RAB6B: variants seen among roughly 807,000 people sequenced by gnomAD.
The protein encoded by RAB6B is ras-related protein Rab-6B.
A neutral mutation model predicts 31.2 loss-of-function variants in RAB6B; 7 were observed. That is an observed-to-expected ratio of 0.22 (90% CI 0.13 to 0.42). The LOEUF (loss-of-function observed/expected upper bound fraction) is 0.42, where lower values mean the gene tolerates loss of function less well. Among genes scored for constraint, RAB6B ranks in the 10% least tolerant of loss-of-function variants. RAB6B has a pLI of 1.00. For missense variants in RAB6B, 149 were observed against 280.6 expected, an observed-to-expected ratio of 0.53 and a Z score of 3.35; for synonymous variants, 105 against 104.9, an observed-to-expected ratio of 1.00 and a Z score of -0.01.
At chr3:133,852,834 A>G (rs1042481113) in intron 2 of RAB6B, among the ~76,000 whole-genome samples, 2 of 152,078 alleles carry the variant, frequency 1.3e-5, no homozygotes, top group African/African-American at 4.8e-5. Flanking sequence ...ACCTTGTTCA[A>G]GTGTTAGCAA....
chr3:133,878,471 A>C (rs1936425761), intron 1 of RAB6B, among the ~76,000 whole-genome samples: 1 of 148,804 alleles, frequency 6.7e-6, no homozygotes, highest in Non-Finnish European at 1.5e-5. Context: ...TGAGATAAAG[A>C]CTTTTTCAAA....
At chr3:133,836,817 A>T (rs1935743626) in intron 6 of RAB6B, among the ~76,000 whole-genome samples, 1 of 152,144 alleles carries the variant, frequency 6.6e-6, no homozygotes, top group Non-Finnish European at 1.5e-5. Flanking sequence ...AGGACACTCT[A>T]GTTAGGGTGG....
At chr3:133,889,391 TATATATATATATATATATATATA>T (rs1936599618) in intron 1 of RAB6B, among the ~76,000 whole-genome samples, 388 of 34,036 alleles carry the variant, frequency 0.011, 30 homozygotes, top group Middle Eastern at 0.091. Context: ...TATTTTGTTA[TATATATATATATATATATATATA>T]TATATATATA....
chr3:133,864,336 A>T (rs1197401753), intron 2 of RAB6B, among the ~76,000 whole-genome samples: 1 of 152,208 alleles, frequency 6.6e-6, no homozygotes, highest in East Asian at 1.9e-4. Context: ...GTGAGGAACA[A>T]GAGAACACAG....
intron 1 of RAB6B, 106 bp from the exon 2 acceptor site, chr3:133,864,748 A>G: frequency 8.9e-7 from 1 of 1,126,686 alleles, no homozygotes; most frequent in South Asian, 1.3e-5. Flanking sequence ...AGCACAGGGG[A>G]AAGGCCGAGT....
intron 1 of RAB6B, among the ~76,000 whole-genome samples, chr3:133,888,016 G>A (rs866478507): frequency 4.6e-5 from 7 of 152,292 alleles, no homozygotes; most frequent in South Asian, 4.1e-4. Context: ...TCAGGGCCCC[G>A]CAGGTTCCTC....
chr3:133,883,288 C>T (rs995124739), intron 1 of RAB6B, among the ~76,000 whole-genome samples: 4 of 152,338 alleles, frequency 2.6e-5, no homozygotes, highest in South Asian at 2.1e-4. Flanking sequence ...GGCAAGGTAA[C>T]AGCCTTTCTC....
At chr3:133,879,598 AG>A (rs1396777101) in intron 1 of RAB6B, among the ~76,000 whole-genome samples, 1 of 152,222 alleles carries the variant, frequency 6.6e-6, no homozygotes, top group African/African-American at 2.4e-5. Flanking sequence ...CTGGTATGGT[AG>A]GAACTCTTTA....
rs7626433 is a variant in RAB6B at position 133,825,073 on chromosome 3, G to A, written c.*3715C>T. 0.21 allele frequency: 32,382 copies of A among 152,014 alleles called. 3,905 individuals are homozygous for A. The highest frequency in any genetic ancestry group is 0.4 in the East Asian group (2,077 of 5,168). 9.4% of individuals were successfully genotyped at this position (152,014 alleles called of 1,614,324 possible). ...AGAGGCAGTTCGGAAACGAGTGTGC[G>A]CACAATCTGCTCGGTTGATGCACAC... On this transcript the variant is annotated 3_prime_UTR_variant, in exon 8 of 8. Coordinates refer to ENST00000285208, the MANE Select transcript of RAB6B (RefSeq NM_016577.4).
At chr3:133,830,302 C>T (rs1935637613) in intron 7 of RAB6B, among the ~76,000 whole-genome samples, 1 of 152,358 alleles carries the variant, frequency 6.6e-6, no homozygotes, top group Admixed American at 6.5e-5. Flanking sequence ...AAAGCCAGCT[C>T]TGGTGACAAT....
At chr3:133,839,696 G>C (rs1935793019) in intron 4 of RAB6B, 79 bp from the exon 5 acceptor site, 1 of 1,033,952 alleles carries the variant, frequency 9.7e-7, no homozygotes, top group Admixed American at 1.7e-5. Context: ...TGTGAGCCAG[G>C]AGCAGGAGGG....
chr3:133,837,018 G>C (rs1935746187), intron 6 of RAB6B, among the ~76,000 whole-genome samples: 1 of 152,146 alleles, frequency 6.6e-6, no homozygotes, highest in Non-Finnish European at 1.5e-5. Context: ...CAGCAATGCT[G>C]GGGTGGCAGG....
At chr3:133,842,571 C>A (rs1360067707) in intron 2 of RAB6B, among the ~76,000 whole-genome samples, 5 of 152,204 alleles carry the variant, frequency 3.3e-5, no homozygotes, top group African/African-American at 1.2e-4. Context: ...CAGCTGTTAA[C>A]AATCACATTC....
chr3:133,849,013 A>C (rs1257905485), intron 2 of RAB6B, among the ~76,000 whole-genome samples: 1 of 152,086 alleles, frequency 6.6e-6, no homozygotes, highest in Admixed American at 6.6e-5. Context: ...ACCAGCCTCC[A>C]CTTTATATTT....
chr3:133,856,029 G>GCA (rs1232481615), intron 2 of RAB6B, among the ~76,000 whole-genome samples: 3 of 152,062 alleles, frequency 2.0e-5, no homozygotes, highest in African/African-American at 4.8e-5. Context: ...GCAACAGCCA[G>GCA]CACGCACGAA....
chr3:133,861,621 T>C (rs919303217), intron 2 of RAB6B, among the ~76,000 whole-genome samples: 1 of 152,238 alleles, frequency 6.6e-6, no homozygotes, highest in African/African-American at 2.4e-5. Context: ...ATGCCCTGGC[T>C]GAAGGCAGGG....
At position 133,878,582 on chromosome 3, in the gene RAB6B, C is replaced by A. The variant is rs1027911729; in HGVS notation, c.71-13940G>T. ...AGTGAAATGAAACCAGATGGAAATG[C>A]GGATTTATACAATGGAATGATGAAC... On this transcript the variant is annotated intron_variant, in intron 1 of 7. Transcript: ENST00000285208. Among the ~76,000 whole-genome samples, 3 of 152,106 alleles carry A rather than the reference C, an allele frequency of 2.0e-5. No homozygotes were observed. In the East Asian group the frequency reaches 5.8e-4, roughly 29 times the overall value.
intron 1 of RAB6B, 134 bp downstream of exon 1, chr3:133,895,263 C>A (rs968746650): frequency 7.3e-6 from 7 of 955,626 alleles, no homozygotes; most frequent in Non-Finnish European, 1.1e-5. Context: ...CCCGACCTCC[C>A]CATCCCTGTC....
rs202243107 is a variant in RAB6B at position 133,841,328 on chromosome 3, G to A, written c.246C>T (p.Tyr82=). ...CCACAGCCACCGTGGAGTCCCGGATGTAGCTGGGGATCAGGCTGCGGAACC... is the reference window on the plus strand; with the variant it reads ...CCACAGCCACCGTGGAGTCCCGGATATAGCTGGGGATCAGGCTGCGGAACC... ...QERFRSLIPS[Y]IRDSTVAVVV... The change falls in exon 4 of 8, where the codon TAC becomes TAT. Residue 82 remains tyrosine, a synonymous_variant. Coordinates refer to ENST00000285208, the MANE Select transcript of RAB6B (RefSeq NM_016577.4). 1.2e-6 allele frequency: 2 copies of A among 1,614,184 alleles called. No homozygotes were observed. The highest frequency in any genetic ancestry group is 1.3e-5 in the African/African-American group (1 of 75,058).
Sources: allele counts gnomAD v4.1 joint callset (sites outside exome capture counted in the v4.1 genomes callset), GRCh38; gene constraint gnomAD v4.1.1; transcripts MANE v1.5; gene names NCBI Gene and HGNC (gene_info 2026-07-23, HGNC 2026-07-21).